Variants in LGSN observed in about 807,000 individuals in gnomAD.
LGSN encodes lengsin, lens protein with glutamine synthetase domain.
LGSN carries 21 observed loss-of-function variants against 19.5 expected under a neutral mutation model. The ratio of observed to expected loss-of-function variants is 1.07; its 90% CI spans 0.76 to 1.55. The LOEUF (loss-of-function observed/expected upper bound fraction) is 1.55. Among genes scored for constraint, LGSN ranks in the 40% most tolerant of loss-of-function variants. LGSN has a pLI of 0.00. For missense variants in LGSN, 673 were observed against 608.5 expected (o/e 1.11, Z -1.12); for synonymous variants, 257 against 215.6 (o/e 1.19, Z -1.68).
At chr6:63,456,677 T>C in the LGSN span, among the ~76,000 whole-genome samples, 1 of 152,138 alleles carries the variant, frequency 6.6e-6, no homozygotes, top group African/African-American at 2.4e-5. Context: ...TCCTTAGAGC[T>C]TGGGCTATGG....
intron 1 of LGSN, among the ~76,000 whole-genome samples, chr6:63,310,798 C>T (rs1768596885): frequency 1.3e-5 from 2 of 152,208 alleles, no homozygotes; most frequent in African/African-American, 2.4e-5. Flanking sequence ...AAACTGGATG[C>T]TTATGATCTC....
At chr6:63,501,434 G>A in the LGSN span, among the ~76,000 whole-genome samples, 1 of 151,218 alleles carries the variant, frequency 6.6e-6, no homozygotes, top group African/African-American at 2.4e-5. Flanking sequence ...CATTATAGAA[G>A]TGATGCATAG....
upstream of LGSN, among the ~76,000 whole-genome samples, chr6:63,322,499 G>A (rs1769108305): frequency 6.6e-6 from 1 of 152,138 alleles, no homozygotes; most frequent in African/African-American, 2.4e-5. Context: ...CTCCCGATTT[G>A]TTGTTGTTCT....
At chr6:63,378,706 C>T in the LGSN span, among the ~76,000 whole-genome samples, 12 of 152,204 alleles carry the variant, frequency 7.9e-5, no homozygotes, top group South Asian at 2.3e-3. Context: ...ATAACCAACT[C>T]TTTGGGAACT....
the LGSN span, among the ~76,000 whole-genome samples, chr6:63,540,104 T>C: frequency 7.0e-3 from 1,061 of 152,204 alleles, 7 homozygotes; most frequent in African/African-American, 0.024. Context: ...TGGGTATCCA[T>C]CCCTAAGACA....
the LGSN span, among the ~76,000 whole-genome samples, chr6:63,521,049 C>T: frequency 6.6e-6 from 1 of 151,766 alleles, no homozygotes; most frequent in African/African-American, 2.4e-5. Flanking sequence ...CACATGGACA[C>T]AGGGAGGTGA....
the LGSN span, among the ~76,000 whole-genome samples, chr6:63,488,289 A>G: frequency 4.2e-3 from 647 of 152,286 alleles, 1 homozygote; most frequent in Middle Eastern, 0.01. Flanking sequence ...CTTAATTCTC[A>G]TAACTGCTTT....
chr6:63,349,871 G>A, the LGSN span, among the ~76,000 whole-genome samples: 5 of 152,276 alleles, frequency 3.3e-5, no homozygotes, highest in East Asian at 5.8e-4. Context: ...GTCCTTCTAC[G>A]GAGACTGGGA....
At chr6:63,545,926 C>T in the LGSN span, among the ~76,000 whole-genome samples, 2 of 152,156 alleles carry the variant, frequency 1.3e-5, no homozygotes, top group Non-Finnish European at 1.5e-5. Context: ...AATATATTTA[C>T]TCATTTGCTT....
chr6:63,356,102 G>T, the LGSN span, among the ~76,000 whole-genome samples: 1 of 152,002 alleles, frequency 6.6e-6, no homozygotes, highest in Non-Finnish European at 1.5e-5. Context: ...TTGCACTAGG[G>T]CCCACCCTAA....
At position 63,277,143 on chromosome 6, in the gene LGSN, C is replaced by G. The variant is rs1561999819; in HGVS notation, c.*2878G>C. On this transcript the variant is annotated 3_prime_UTR_variant, in exon 4 of 4. Coordinates refer to ENST00000370657, the MANE Select transcript of LGSN (RefSeq NM_016571.3). ...ATTCCTTCACATGGCATCCTGAGTA[C>G]TGTGTTTTTAAGTTATGCTAATAAT... The G allele has an allele frequency of 6.6e-6, 1 of 152,140 alleles. No homozygotes were observed. The highest frequency in any genetic ancestry group is 2.4e-5 in the African/African-American group (1 of 41,440). 9.4% of individuals were successfully genotyped at this position (152,140 alleles called of 1,614,324 possible).
intron 1 of LGSN, among the ~76,000 whole-genome samples, chr6:63,310,987 T>C (rs1013618900): frequency 2.0e-5 from 3 of 152,082 alleles, no homozygotes; most frequent in Non-Finnish European, 4.4e-5. Flanking sequence ...CTCTAGAGAG[T>C]CAACAAGCAA....
In LGSN at chr6:63,278,773, G is replaced by C. The variant is rs755041705; in HGVS notation, c.*1248C>G. ...CACTTCTCCTGCTCAAAGGAAAAAA[G>C]AAGGGAGTAATTAGTGAAGGATAGA... On this transcript the variant is annotated 3_prime_UTR_variant, in exon 4 of 4. Transcript: ENST00000370657. 1 of 152,178 alleles carries C rather than the reference G, an allele frequency of 6.6e-6. No homozygotes were observed. The highest frequency in any genetic ancestry group is 1.5e-5 in the Non-Finnish European group (1 of 68,046). 9.4% of individuals were successfully genotyped at this position (152,178 alleles called of 1,614,324 possible). A position where few individuals can be genotyped will look rare whatever the true frequency, so the allele number is the denominator to read the frequency against.
At chr6:63,427,292 C>T in the LGSN span, among the ~76,000 whole-genome samples, 2 of 152,192 alleles carry the variant, frequency 1.3e-5, no homozygotes, top group African/African-American at 4.8e-5. Flanking sequence ...GATCCACCCA[C>T]ATCGTCCTCC....
the LGSN span, among the ~76,000 whole-genome samples, chr6:63,551,886 G>A: frequency 6.6e-6 from 1 of 152,060 alleles, no homozygotes; most frequent in Non-Finnish European, 1.5e-5. Flanking sequence ...CATTTTTTAT[G>A]GCTGCATAGT....
the LGSN span, among the ~76,000 whole-genome samples, chr6:63,554,845 G>C: frequency 6.6e-6 from 1 of 152,106 alleles, no homozygotes; most frequent in African/African-American, 2.4e-5. Context: ...GGTCACTTTT[G>C]GGGACAATCT....
the LGSN span, among the ~76,000 whole-genome samples, chr6:63,538,115 C>T: frequency 0.086 from 13,161 of 152,184 alleles, 608 homozygotes; most frequent in East Asian, 0.16. Context: ...AATGTACATG[C>T]AAATTTTTAG....
the LGSN span, among the ~76,000 whole-genome samples, chr6:63,345,567 A>G: frequency 3.3e-5 from 5 of 152,154 alleles, no homozygotes; most frequent in African/African-American, 1.2e-4. Context: ...CACCAATCAC[A>G]ACCATTGCAT....
chr6:63,509,329 T>C, the LGSN span, among the ~76,000 whole-genome samples: 1 of 152,166 alleles, frequency 6.6e-6, no homozygotes, highest in South Asian at 2.1e-4. Context: ...CCTCTCAAAG[T>C]GCTAGGATTA....
Sources: gnomAD v4.1 joint callset for allele counts (sites outside exome capture counted in the v4.1 genomes callset) on GRCh38, gnomAD v4.1.1 for gene constraint, MANE v1.5 for transcripts, NCBI Gene and HGNC (gene_info 2026-07-23, HGNC 2026-07-21) for gene names.